Variants in DENND2B observed in about 807,000 individuals in gnomAD.
The protein encoded by DENND2B is DENN domain-containing protein 2B.
In DENND2B, 32 loss-of-function variants were observed where a neutral mutation model predicts 116.0. The observed-to-expected ratio is 0.28, with a 90% CI of 0.21 to 0.37. The LOEUF is 0.37. Among genes scored for constraint, DENND2B ranks in the 10% least tolerant of loss-of-function variants. DENND2B has a pLI of 1.00. For missense variants in DENND2B, 1,276 were observed against 1,477.7 expected, an observed-to-expected ratio of 0.86 and a Z score of 2.24; for synonymous variants, 588 against 583.9, an observed-to-expected ratio of 1.01 and a Z score of -0.10.
upstream of DENND2B, among the ~76,000 whole-genome samples, chr11:8,813,065 T>C (rs2061449587): frequency 6.6e-6 from 1 of 152,142 alleles, no homozygotes; most frequent in Non-Finnish European, 1.5e-5. Context: ...ATTATAGGTG[T>C]GTACTACCAC....
chr11:8,714,099 C>A (rs1565687175), intron 7 of DENND2B, 57 bp from the exon 8 acceptor site: 4 of 1,576,934 alleles, frequency 2.5e-6, no homozygotes, highest in Non-Finnish European at 2.6e-6. Flanking sequence ...ATGTTTTTTG[C>A]TCCCCCACCA....
intron 2 of DENND2B, among the ~76,000 whole-genome samples, chr11:8,864,099 C>A (rs377089143): frequency 1.3e-5 from 2 of 152,102 alleles, no homozygotes; most frequent in East Asian, 1.9e-4. Flanking sequence ...ACTGACTAGG[C>A]CCTGTTTACT....
intron 4 of DENND2B, among the ~76,000 whole-genome samples, chr11:8,833,125 G>A (rs1423763486): frequency 6.6e-6 from 1 of 152,230 alleles, no homozygotes; most frequent in African/African-American, 2.4e-5. Context: ...GAGCAGATGG[G>A]CTCTAATGCC....
rs200138186 is a variant in DENND2B, at chr11:8,854,010, C to T, written c.-156+3333G>A. ...ATTACAGGTGAATGCCACCATGCCC[C>T]AGTTAATTTTTTTTTTTTTTTTTTT... On this transcript the variant is annotated intron_variant, in intron 3 of 6. Coordinates refer to the DENND2B transcript ENST00000524757. 2.2e-4 allele frequency among the ~76,000 whole-genome samples: 12 copies of T among 55,546 alleles called. No individual in the cohort carries two copies. The East Asian group carries it at 6.3e-3, about 29-fold the overall frequency. The allele number at this position is 55,546 out of a possible 152,430, so 36.4% of individuals were successfully genotyped here.
At position 8,712,860 on chromosome 11, in the gene DENND2B, C is replaced by T; in HGVS notation, c.1988-125G>A. ...TACGTGAGCCTAGTCTGATACCATCCCCAGCTCACAGTGCAGGAGGACCGG... is the reference window on the plus strand; with the variant it reads ...TACGTGAGCCTAGTCTGATACCATCTCCAGCTCACAGTGCAGGAGGACCGG... On this transcript the variant is annotated intron_variant, in intron 8 of 19. Transcript: ENST00000313726. The surrounding 1 kb of genome is among the most constrained non-coding windows in gnomAD (Gnocchi z 4.4). 1 of 1,014,356 alleles carries T rather than the reference C, an allele frequency of 9.9e-7. No homozygotes were observed. The highest frequency in any genetic ancestry group is 2.8e-5 in the Admixed American group (1 of 35,844). The allele number at this position is 1,014,356 out of a possible 1,614,324, so 62.8% of individuals were successfully genotyped here.
chr11:8,785,242 T>A (rs1329912378), intron 1 of DENND2B: 2 of 152,218 alleles, frequency 1.3e-5, no homozygotes, highest in African/African-American at 4.8e-5. Flanking sequence ...AAATCCTGAA[T>A]TTGCCGTGTC....
chr11:8,696,547 C>G lies in DENND2B; in HGVS notation c.3172G>C (p.Glu1058Gln). The G allele has an allele frequency of 1.2e-6, 2 of 1,614,188 alleles. No homozygotes were observed. The highest frequency in any genetic ancestry group is 1.7e-6 in the Non-Finnish European group (2 of 1,180,040). ...SEKGERAFQR[E>Q]AFRKSVASKS... ...GAGGCCACAGATTTGCGGAAGGCCT[C>G]TCGCTGAAAGGCCCTCTCTCCCTTC... is the stretch of plus-strand genomic sequence containing the variant. The change falls in exon 18 of 20, where the codon GAG becomes CAG. Residue 1058 changes from glutamate (E) to glutamine (Q), a missense_variant. Physicochemically the swap from Glu to Gln is conservative, Grantham distance 29. Around this residue, in one of 2 missense-constraint regions of DENND2B, gnomAD observed 420 missense variants for 631.1 expected, o/e 0.67. Coordinates refer to ENST00000313726, the MANE Select transcript of DENND2B (RefSeq NM_213618.2).
intron 1 of DENND2B, chr11:8,808,771 T>C (rs2061109966): frequency 6.6e-6 from 1 of 152,140 alleles, no homozygotes; most frequent in Non-Finnish European, 1.5e-5. Flanking sequence ...GTGAAGTTGT[T>C]CTTATTACCT....
At chr11:8,711,317 T>A in intron 9 of DENND2B, 86 bp from the exon 10 acceptor site, 1 of 1,135,002 alleles carries the variant, frequency 8.8e-7, no homozygotes, top group Non-Finnish European at 1.3e-6. Flanking sequence ...CTGAGGGCCC[T>A]AGATGCCACT....
chr11:8,766,603 C>G (rs997900327), intron 1 of DENND2B: 1 of 1,288,618 alleles, frequency 7.8e-7, no homozygotes, highest in Admixed American at 2.3e-5. Flanking sequence ...AAGGCCAACT[C>G]AGGCTTTCTG....
chr11:8,700,446 C>T (rs1053368652), intron 14 of DENND2B, among the ~76,000 whole-genome samples: 3 of 152,194 alleles, frequency 2.0e-5, no homozygotes, highest in African/African-American at 7.2e-5. Context: ...TTTTCTTCCT[C>T]CTTTCTTCTC....
At chr11:8,791,839 A>G (rs1366120868) in intron 1 of DENND2B, among the ~76,000 whole-genome samples, 1 of 152,228 alleles carries the variant, frequency 6.6e-6, no homozygotes, top group Non-Finnish European at 1.5e-5. Context: ...TTAAGTGAAA[A>G]GAAGTTCACA....
intron 3 of DENND2B, among the ~76,000 whole-genome samples, chr11:8,856,338 C>T (rs1235556471): frequency 6.6e-6 from 1 of 152,158 alleles, no homozygotes; most frequent in Non-Finnish European, 1.5e-5. Context: ...TGTGTTCTCA[C>T]TTTTATGCTG....
intron 1 of DENND2B, among the ~76,000 whole-genome samples, chr11:8,773,575 A>G (rs955191884): frequency 6.6e-5 from 10 of 152,332 alleles, no homozygotes; most frequent in African/African-American, 2.4e-4. Context: ...CAGAGTCAGA[A>G]AGTGGGGCAT....
intron 1 of DENND2B, among the ~76,000 whole-genome samples, chr11:8,907,171 G>A (rs993676940): frequency 8.5e-5 from 13 of 152,156 alleles, no homozygotes; most frequent in Non-Finnish European, 1.5e-4. Context: ...TCTCATTAGT[G>A]AATTTACCCT....
At chr11:8,865,312 T>TA (rs2063536403) in intron 2 of DENND2B, among the ~76,000 whole-genome samples, 1 of 152,240 alleles carries the variant, frequency 6.6e-6, no homozygotes, top group African/African-American at 2.4e-5. Flanking sequence ...AGAGTTTACA[T>TA]ATATTCCACA....
At chr11:8,887,299 C>G (rs2063972563) in intron 1 of DENND2B, among the ~76,000 whole-genome samples, 1 of 152,074 alleles carries the variant, frequency 6.6e-6, no homozygotes, top group Non-Finnish European at 1.5e-5. Flanking sequence ...AGCAATAATG[C>G]TTAGGCAGGT....
rs567812901 is a variant in DENND2B, at chr11:8,696,436, G to A, written c.3283C>T (p.Arg1095Trp). The A allele has an allele frequency of 3.7e-6, 6 of 1,614,108 alleles. No individual in the cohort carries two copies. Among genetic ancestry groups the A allele is most frequent in the East Asian group, 4.5e-5 (2 of 44,878 alleles). The change falls in exon 18 of 20, where the codon CGG becomes TGG. Residue 1095 changes from arginine (R) to tryptophan (W), a missense_variant. By Grantham distance (101) the Arg-to-Trp change is moderately radical (BLOSUM62 -3). Transcript: ENST00000313726. ...GATAACCAAGACTTACCCTTTGCCCGACACTTTCTTAGCTCCCTGTCTTGG... is the reference window on the plus strand; with the variant it reads ...GATAACCAAGACTTACCCTTTGCCCAACACTTTCTTAGCTCCCTGTCTTGG... ...FIQDRELRKC[R>W]AKGLFEQRVE... is the part of the protein sequence containing the mutation.
At chr11:8,903,348 C>T (rs769759986) in intron 1 of DENND2B, among the ~76,000 whole-genome samples, 7 of 150,714 alleles carry the variant, frequency 4.6e-5, no homozygotes, top group African/African-American at 1.2e-4. Context: ...ACCTGGGAGG[C>T]GGAGATTGTA....
Sources: gnomAD v4.1 joint callset for allele counts (sites outside exome capture counted in the v4.1 genomes callset) on GRCh38, gnomAD v4.1.1 for gene constraint, gnomAD v4.1.1 regional missense constraint, Gnocchi (gnomAD v3.1) non-coding constraint, MANE v1.5 for transcripts, NCBI Gene and HGNC (gene_info 2026-07-23, HGNC 2026-07-21) for gene names.